The following ERC2 variants were observed in gnomAD, a reference collection of about 807,000 sequenced individuals.
The protein encoded by ERC2 is ERC protein 2.
Under a neutral mutation model 114.8 loss-of-function variants are expected in ERC2, and 42 were observed. The ratio of observed to expected loss-of-function variants is 0.37; its 90% CI spans 0.29 to 0.47. ERC2 has a LOEUF of 0.47. Among genes scored for constraint, ERC2 ranks in the 20% least tolerant of loss-of-function variants. The pLI, the probability that ERC2 is intolerant of heterozygous loss-of-function variation, is 0.99. For synonymous variants in ERC2, 454 were observed against 425.5 expected (o/e 1.07, Z -0.82); for missense variants, 939 against 1,150.7 (o/e 0.82, Z 2.66).
intron 17 of ERC2, among the ~76,000 whole-genome samples, chr3:55,675,503 C>T: frequency 6.6e-6 from 1 of 152,134 alleles, no homozygotes; most frequent in East Asian, 1.9e-4. Flanking sequence ...CTAGTGGTGG[C>T]CATAATATGT....
intron 7 of ERC2, among the ~76,000 whole-genome samples, chr3:56,076,515 G>A (rs566229877): frequency 1.4e-4 from 21 of 152,236 alleles, no homozygotes; most frequent in African/African-American, 5.1e-4. Context: ...AGAAAACTAT[G>A]GCTGCAGCAT....
chr3:56,308,655 T>A (rs923852909), intron 2 of ERC2, among the ~76,000 whole-genome samples: 3 of 152,204 alleles, frequency 2.0e-5, no homozygotes, highest in Non-Finnish European at 4.4e-5. Flanking sequence ...TGTGTGACCT[T>A]AAGCTCTTTT....
At chr3:55,941,851 C>T (rs2066817106) in intron 13 of ERC2, among the ~76,000 whole-genome samples, 1 of 152,148 alleles carries the variant, frequency 6.6e-6, no homozygotes, top group South Asian at 2.1e-4. Flanking sequence ...GTAATTATCT[C>T]CACCACCGAT....
chr3:55,796,085 G>A (rs1293695500), intron 14 of ERC2, among the ~76,000 whole-genome samples: 1 of 152,244 alleles, frequency 6.6e-6, no homozygotes, highest in Non-Finnish European at 1.5e-5. Context: ...GTTGAGGGGG[G>A]AGGGTAGAAA....
chr3:56,295,381 G>A (rs1158162878), intron 3 of ERC2, among the ~76,000 whole-genome samples: 1 of 152,114 alleles, frequency 6.6e-6, no homozygotes, highest in African/African-American at 2.4e-5. Flanking sequence ...AGATACACGA[G>A]CATCCCAACA....
chr3:55,545,647 A>G (rs994830889), intron 17 of ERC2, among the ~76,000 whole-genome samples: 1 of 152,166 alleles, frequency 6.6e-6, no homozygotes, highest in Non-Finnish European at 1.5e-5. Context: ...TCCAGTCAGG[A>G]GTTTCTGTGT....
chr3:55,756,314 G>A (rs1344052119), intron 14 of ERC2, among the ~76,000 whole-genome samples: 2 of 152,078 alleles, frequency 1.3e-5, no homozygotes, highest in African/African-American at 2.4e-5. Context: ...AAAACTGGGG[G>A]TACCAGGAAA....
intron 17 of ERC2, among the ~76,000 whole-genome samples, chr3:55,668,357 AG>A (rs1483797535): frequency 6.6e-6 from 1 of 152,218 alleles, no homozygotes; most frequent in Non-Finnish European, 1.5e-5. Context: ...TGTGTGACCA[AG>A]ATGTAATTTA....
intron 15 of ERC2, among the ~76,000 whole-genome samples, chr3:55,714,618 T>G (rs2148866164): frequency 6.7e-6 from 1 of 148,978 alleles, no homozygotes; most frequent in East Asian, 2.0e-4. Context: ...TACATTTAAA[T>G]ATATATATGG....
At chr3:55,515,354 C>T (rs954741831) in intron 17 of ERC2, among the ~76,000 whole-genome samples, 3 of 151,842 alleles carry the variant, frequency 2.0e-5, no homozygotes, top group African/African-American at 7.3e-5. Context: ...AACTTTTCCC[C>T]TGTATTTAAT....
At chr3:56,188,045 G>A (rs1343987609) in intron 3 of ERC2, among the ~76,000 whole-genome samples, 1 of 152,118 alleles carries the variant, frequency 6.6e-6, no homozygotes, top group Non-Finnish European at 1.5e-5. Flanking sequence ...AAGTGGATTT[G>A]CTCTGATTAA....
At chr3:56,081,607 T>A (rs1317324019) in intron 6 of ERC2, among the ~76,000 whole-genome samples, 3 of 152,120 alleles carry the variant, frequency 2.0e-5, no homozygotes, top group African/African-American at 7.2e-5. Flanking sequence ...AAATTCCTCC[T>A]TGTAACTCAG....
intron 12 of ERC2, among the ~76,000 whole-genome samples, chr3:55,952,138 C>CAG (rs1408875516): frequency 2.5e-4 from 10 of 40,774 alleles, no homozygotes; most frequent in South Asian, 1.2e-3. Flanking sequence ...ATCTCTAAAA[C>CAG]ACACACACAC....
At chr3:56,107,964 T>C (rs1356021130) in intron 6 of ERC2, among the ~76,000 whole-genome samples, 1 of 152,202 alleles carries the variant, frequency 6.6e-6, no homozygotes, top group Non-Finnish European at 1.5e-5. Context: ...AATCTAGCTA[T>C]GTACATATAT....
intron 3 of ERC2, among the ~76,000 whole-genome samples, chr3:56,241,221 G>C (rs146933739): frequency 1.3e-3 from 192 of 152,170 alleles, no homozygotes; most frequent in African/African-American, 4.5e-3. Flanking sequence ...CCCCATTAAA[G>C]AGTGGGAAAA....
intron 3 of ERC2, among the ~76,000 whole-genome samples, chr3:56,194,664 A>T (rs1165341048): frequency 2.0e-5 from 3 of 152,198 alleles, no homozygotes; most frequent in East Asian, 1.9e-4. Flanking sequence ...TTTATTTTTT[A>T]AAATAAAGTA....
chr3:55,610,027 A>G (rs2058821143), intron 17 of ERC2, among the ~76,000 whole-genome samples: 1 of 145,754 alleles, frequency 6.9e-6, no homozygotes, highest in Admixed American at 7.2e-5. Flanking sequence ...TCTTTATCCC[A>G]GGACTTGAGA....
At chr3:55,786,399 G>T (rs1285342398) in intron 14 of ERC2, among the ~76,000 whole-genome samples, 2 of 152,134 alleles carry the variant, frequency 1.3e-5, no homozygotes, top group Non-Finnish European at 2.9e-5. Context: ...CTGATCTCTG[G>T]GTCTCCATAC....
At chr3:55,661,515 C>A (rs1025140191) in intron 17 of ERC2, among the ~76,000 whole-genome samples, 4 of 152,208 alleles carry the variant, frequency 2.6e-5, no homozygotes, top group African/African-American at 9.6e-5. Flanking sequence ...TCTTCCACTG[C>A]ACCACTCTGA....
Sources: allele counts gnomAD v4.1 joint callset (sites outside exome capture counted in the v4.1 genomes callset), GRCh38; gene constraint gnomAD v4.1.1; transcripts MANE v1.5; gene names NCBI Gene and HGNC (gene_info 2026-07-23, HGNC 2026-07-21).